KBTBD11: variants seen among roughly 807,000 people sequenced by gnomAD.
KBTBD11 encodes kelch repeat and BTB domain containing 11, also known as kelch repeat and BTB domain-containing protein 11.
For missense variants in KBTBD11, 1,390 were observed against 1,001.8 expected, an observed-to-expected ratio of 1.39 and a Z score of -5.23; for synonymous variants, 747 against 499.0, an observed-to-expected ratio of 1.50 and a Z score of -6.63.
chr8:1,999,131 T>C (rs1470311283), intron 1 of KBTBD11, among the ~76,000 whole-genome samples: 1 of 152,182 alleles, frequency 6.6e-6, no homozygotes, highest in Non-Finnish European at 1.5e-5. Context: ...AACATTTTAT[T>C]GTGAAAGATA....
chr8:1,979,719 A>C (rs1049399370), intron 1 of KBTBD11, among the ~76,000 whole-genome samples: 2 of 151,946 alleles, frequency 1.3e-5, no homozygotes, highest in Non-Finnish European at 2.9e-5. Context: ...AAAAGTACCT[A>C]TCATAACCTT....
intron 1 of KBTBD11, among the ~76,000 whole-genome samples, chr8:1,997,743 G>A (rs1042478633): frequency 2.0e-5 from 3 of 152,256 alleles, no homozygotes; most frequent in Non-Finnish European, 4.4e-5. Flanking sequence ...TGATCTCAAT[G>A]CAGTGGTGTC....
rs1315156441 is a variant in KBTBD11, at chr8:2,002,321, C to T, written c.1129C>T (p.Arg377Cys). ...VAPAGPDGRA[R>C]PSDQVFCYNP... is the part of the protein sequence containing the mutation. ...GCCCGCGGGCCCCGACGGCCGCGCG[C>T]GCCCGTCCGACCAGGTCTTCTGCTA... The change falls in exon 2 of 2, where the codon CGC (arginine) becomes TGC (cysteine). Residue 377 changes from arginine (R) to cysteine (C), a missense_variant. Arg to Cys is a radical substitution (Grantham distance 180, BLOSUM62 -3). Transcript: ENST00000320248. The surrounding 1 kb of genome is among the most constrained non-coding windows in gnomAD (Gnocchi z 4.1). 2 of 1,393,070 alleles carry T rather than the reference C, an allele frequency of 1.4e-6. No homozygotes were observed. Among genetic ancestry groups the T allele is most frequent in the Non-Finnish European group, 1.8e-6 (2 of 1,081,244 alleles). The allele number at this position is 1,393,070 out of a possible 1,614,324, so 86.3% of individuals were successfully genotyped here. A position where few individuals can be genotyped will look rare whatever the true frequency, so the allele number is the denominator to read the frequency against.
rs1170676455 is a variant in KBTBD11 at position 2,000,958 on chromosome 8, G to A, written c.-235G>A. 1.1e-5 allele frequency: 5 copies of A among 439,822 alleles called. No homozygotes were observed. Among genetic ancestry groups the A allele is most frequent in the African/African-American group, 8.1e-5 (4 of 49,206 alleles). The allele number at this position is 439,822 out of a possible 1,614,324, so 27.2% of individuals were successfully genotyped here. A position where few individuals can be genotyped will look rare whatever the true frequency, so the allele number is the denominator to read the frequency against. ...TGGCTGGGGTTCAGAAGTTCAGCAA[G>A]TCGGACACACCCCTCCTCGCTGGAG... On this transcript the variant is annotated 5_prime_UTR_variant, in exon 2 of 2. Transcript: ENST00000320248.
intron 1 of KBTBD11, among the ~76,000 whole-genome samples, chr8:1,977,759 C>T (rs1265340372): frequency 1.3e-5 from 2 of 152,118 alleles, no homozygotes; most frequent in Non-Finnish European, 2.9e-5. Flanking sequence ...TGGTCTCGAA[C>T]TCCTGGCCTC....
intron 1 of KBTBD11, among the ~76,000 whole-genome samples, chr8:1,998,233 A>G (rs1817215565): frequency 6.6e-6 from 1 of 152,232 alleles, no homozygotes; most frequent in African/African-American, 2.4e-5. Flanking sequence ...AGCATTTGGG[A>G]TGAGGGCTAC....
At chr8:1,994,737 G>A (rs1585747895) in intron 1 of KBTBD11, among the ~76,000 whole-genome samples, 1 of 152,092 alleles carries the variant, frequency 6.6e-6, no homozygotes, top group Admixed American at 6.6e-5. Context: ...CAGTCCAGCT[G>A]GTCTCTTAGG....
rs773983991 is a variant in KBTBD11, at chr8:2,002,056, C to T, written c.864C>T (p.Arg288=). The change falls in exon 2 of 2, where the codon CGC becomes CGT. Residue 288 remains arginine, a synonymous_variant. Coordinates refer to ENST00000320248, the MANE Select transcript of KBTBD11 (RefSeq NM_014867.3). The surrounding 1 kb of genome is among the most constrained non-coding windows in gnomAD (Gnocchi z 4.1). The stretch of plus-strand genomic sequence containing the variant: ...AGCGGGACCTGCTGCTGCGCCGCCG[C>T]CTGCGCGCCGGCCGCGCCCACCTCT... The part of the protein sequence containing the change: ...GAERDLLLRR[R]LRAGRAHLLA... The T allele has an allele frequency of 1.2e-5, 14 of 1,178,070 alleles. No individual in the cohort carries two copies. Among genetic ancestry groups the T allele is most frequent in the Non-Finnish European group, 1.5e-5 (14 of 954,008 alleles). The allele number at this position is 1,178,070 out of a possible 1,614,324, so 73.0% of individuals were successfully genotyped here. A position where few individuals can be genotyped will look rare whatever the true frequency, so the allele number is the denominator to read the frequency against.
rs1816354499 is a variant in KBTBD11, at chr8:1,976,626, A to G, written c.-909+2691A>G. 2.0e-5 allele frequency: 3 copies of G among 149,492 alleles called. No individual in the cohort carries two copies. The East Asian group carries it at 6.1e-4, about 30-fold the overall frequency. The allele number at this position is 149,492 out of a possible 1,614,324, so 9.3% of individuals were successfully genotyped here. On this transcript the variant is annotated intron_variant, in intron 1 of 1. Coordinates refer to ENST00000320248, the MANE Select transcript of KBTBD11 (RefSeq NM_014867.3). ...AGGTGCTGGGAATACAGTTGTAAGT[A>G]AAGTCAGCCTAGTTCTCTGCTATCT...
intron 1 of KBTBD11, among the ~76,000 whole-genome samples, chr8:1,992,457 T>C (rs1238911087): frequency 6.6e-6 from 1 of 151,756 alleles, no homozygotes; most frequent in Non-Finnish European, 1.5e-5. Context: ...TTTTCTTAAA[T>C]TGGAAGCGGG....
chr8:1,982,628 A>C (rs1816576897), intron 1 of KBTBD11, among the ~76,000 whole-genome samples: 1 of 152,208 alleles, frequency 6.6e-6, no homozygotes, highest in Admixed American at 6.5e-5. Context: ...GATAAAATCC[A>C]CTTCAAGTTA....
chr8:1,981,592 G>T (rs756760761), intron 1 of KBTBD11, among the ~76,000 whole-genome samples: 1 of 152,288 alleles, frequency 6.6e-6, no homozygotes, highest in Non-Finnish European at 1.5e-5. Context: ...GAAGAGATTG[G>T]CATTTGAACC....
chr8:1,999,847 TAATA>T (rs1384055266), intron 1 of KBTBD11, among the ~76,000 whole-genome samples: 1 of 152,256 alleles, frequency 6.6e-6, no homozygotes, highest in Middle Eastern at 3.2e-3. Context: ...TGTGATCTGT[TAATA>T]AATTAATAAA....
Position 2,001,562 on chromosome 8 carries a change from GGGGAGCCCGCGCCCGTACCCCC to G in KBTBD11, c.374_395del (p.Glu125GlyfsTer48). 7.0e-7 allele frequency: 1 copy of G among 1,433,688 alleles called. No homozygotes were observed. The highest frequency in any genetic ancestry group is 9.1e-7 in the Non-Finnish European group (1 of 1,096,614). 88.8% of individuals were successfully genotyped at this position (1,433,688 alleles called of 1,614,324 possible). ...GGACCCCGCGTCCCCCGAGGAGCCC[GGGGAGCCCGCGCCCGTACCCCC>G]GGGGTTCGGGGCGGTGTACGGGGAG... is the stretch of plus-strand genomic sequence containing the variant. On this transcript the variant is annotated frameshift_variant, in exon 2 of 2. Transcript: ENST00000320248. LOFTEE classifies it low-confidence loss of function (END_TRUNC).
At chr8:1,993,845 A>G (rs990939074) in intron 1 of KBTBD11, among the ~76,000 whole-genome samples, 1 of 151,392 alleles carries the variant, frequency 6.6e-6, no homozygotes, top group Non-Finnish European at 1.5e-5. Flanking sequence ...CTGCTTCTCA[A>G]ACCAGGATGG....
rs1363252695 is a variant in KBTBD11 at position 1,973,872 on chromosome 8, C to T, written c.-972C>T. 63 of 982,760 alleles carry T rather than the reference C, an allele frequency of 6.4e-5. No homozygotes were observed. Among genetic ancestry groups the T allele is most frequent in the Non-Finnish European group, 7.0e-5 (58 of 828,972 alleles). The allele number at this position is 982,760 out of a possible 1,614,324, so 60.9% of individuals were successfully genotyped here. On this transcript the variant is annotated 5_prime_UTR_variant, in exon 1 of 2. Transcript: ENST00000320248. ...GTGCCGGGAAGCGGCCGCGCGCATG[C>T]GCCGGAGCCCACCCGCCTGGCTGCG...
At chr8:1,984,624 C>G (rs1183917741) in intron 1 of KBTBD11, among the ~76,000 whole-genome samples, 1 of 150,858 alleles carries the variant, frequency 6.6e-6, no homozygotes, top group African/African-American at 2.5e-5. Flanking sequence ...AATGAAAAGT[C>G]ACACATGAAC....
intron 1 of KBTBD11, among the ~76,000 whole-genome samples, chr8:1,993,494 CGT>C (rs1491278035): frequency 3.0e-5 from 1 of 32,920 alleles, no homozygotes; most frequent in Non-Finnish European, 8.7e-5. Context: ...TCCGTCCATC[CGT>C]CCATCCATCC....
intron 1 of KBTBD11, chr8:1,976,387 A>G (rs2129307437): frequency 6.6e-6 from 1 of 152,358 alleles, no homozygotes; most frequent in African/African-American, 2.4e-5. Context: ...AAAAACTTTA[A>G]GAATAAATTA....
Sources: allele counts gnomAD v4.1 joint callset (sites outside exome capture counted in the v4.1 genomes callset), GRCh38; gene constraint gnomAD v4.1.1; non-coding constraint Gnocchi (gnomAD v3.1); transcripts MANE v1.5; gene names NCBI Gene and HGNC (gene_info 2026-07-23, HGNC 2026-07-21).